SUGCT: variants seen among roughly 807,000 people sequenced by gnomAD.
SUGCT encodes succinyl-CoA:glutarate-CoA transferase, also known as succinyl-CoA:glutarate CoA-transferase.
Under a neutral mutation model 55.0 loss-of-function variants are expected in SUGCT, and 41 were observed. That is an observed-to-expected ratio of 0.74 (90% CI 0.58 to 0.97). The LOEUF is 0.97. Ranked by LOEUF, SUGCT falls within the 50% of genes least tolerant of loss-of-function variation. The pLI is 0.00. For synonymous variants in SUGCT, 187 were observed against 200.4 expected, an observed-to-expected ratio of 0.93 and a Z score of 0.56; for missense variants, 568 against 547.8, an observed-to-expected ratio of 1.04 and a Z score of -0.37.
At chr7:40,628,395 A>G (rs1364430315) in intron 12 of SUGCT, among the ~76,000 whole-genome samples, 1 of 152,226 alleles carries the variant, frequency 6.6e-6, no homozygotes, top group Non-Finnish European at 1.5e-5. Flanking sequence ...CAAAACATCT[A>G]CACTGTTCTC....
chr7:40,840,139 C>T (rs1793200549), intron 13 of SUGCT, among the ~76,000 whole-genome samples: 1 of 152,084 alleles, frequency 6.6e-6, no homozygotes, highest in African/African-American at 2.4e-5. Context: ...CTGAGCCTGG[C>T]CTTACACATA....
At chr7:40,727,583 C>T (rs2128692187) in intron 12 of SUGCT, among the ~76,000 whole-genome samples, 1 of 152,308 alleles carries the variant, frequency 6.6e-6, no homozygotes, top group East Asian at 1.9e-4. Context: ...ATAACTATAT[C>T]TCACTATACA....
Position 40,155,024 on chromosome 7 carries a change from C to T in SUGCT, c.100+19904C>T, listed in dbSNP as rs150382873. Among the ~76,000 whole-genome samples, 9 of 152,322 alleles carry T rather than the reference C, an allele frequency of 5.9e-5. No homozygotes were observed. The South Asian group carries it at 8.3e-4, about 14-fold the overall frequency. ...AGCAGAGGCAGGGCGTGGTGGCTCA[C>T]GCCTGTAATCCCATAACTTTGGGAG... is the stretch of plus-strand genomic sequence containing the variant. On this transcript the variant is annotated intron_variant, in intron 1 of 13. Coordinates refer to ENST00000335693, the MANE Select transcript of SUGCT (RefSeq NM_001193313.2).
chr7:40,874,491 C>T, the SUGCT span, among the ~76,000 whole-genome samples: 2 of 152,062 alleles, frequency 1.3e-5, no homozygotes, highest in African/African-American at 2.4e-5. Context: ...TTCTTCTTGC[C>T]GATACAGTGC....
intron 4 of SUGCT, 75 bp from the exon 5 acceptor site, chr7:40,189,469 C>G (rs893621088): frequency 9.9e-6 from 3 of 302,828 alleles, no homozygotes; most frequent in Non-Finnish European, 1.7e-5. Context: ...GGGTATATTG[C>G]ATAGTGGTGG....
intron 8 of SUGCT, among the ~76,000 whole-genome samples, chr7:40,290,882 G>A (rs189235470): frequency 5.5e-4 from 83 of 152,214 alleles, no homozygotes; most frequent in African/African-American, 1.6e-3. Flanking sequence ...AGACATTTAC[G>A]CAGCCAAAAA....
intron 1 of SUGCT, among the ~76,000 whole-genome samples, chr7:40,162,606 A>G (rs1784232151): frequency 6.6e-6 from 1 of 152,164 alleles, no homozygotes; most frequent in Non-Finnish European, 1.5e-5. Flanking sequence ...CCTCCTGAGT[A>G]GCTGGGACCA....
the SUGCT span, among the ~76,000 whole-genome samples, chr7:40,927,840 G>A: frequency 6.6e-6 from 1 of 152,102 alleles, no homozygotes; most frequent in Non-Finnish European, 1.5e-5. Flanking sequence ...TCGTATGTTT[G>A]TAGTTAATTT....
the SUGCT span, among the ~76,000 whole-genome samples, chr7:40,937,902 G>A: frequency 1.4e-4 from 22 of 152,278 alleles, no homozygotes; most frequent in African/African-American, 5.3e-4. Flanking sequence ...ATGATTTTGG[G>A]ATGAAACTAT....
chr7:40,974,647 A>G, the SUGCT span, among the ~76,000 whole-genome samples: 3 of 152,178 alleles, frequency 2.0e-5, no homozygotes, highest in Admixed American at 6.5e-5. Flanking sequence ...AACACTCCAG[A>G]AACAGCCACC....
intron 13 of SUGCT, among the ~76,000 whole-genome samples, chr7:40,826,231 G>A (rs1792302202): frequency 6.6e-6 from 1 of 152,184 alleles, no homozygotes. Flanking sequence ...TATACATGAG[G>A]TGAAGTAATT....
intron 12 of SUGCT, among the ~76,000 whole-genome samples, chr7:40,626,553 A>G (rs1799538565): frequency 6.6e-6 from 1 of 152,140 alleles, no homozygotes; most frequent in Non-Finnish European, 1.5e-5. Context: ...AGCCCGGCCC[A>G]GAGAGACTTT....
chr7:40,722,961 C>T (rs1786423511), intron 12 of SUGCT, among the ~76,000 whole-genome samples: 1 of 152,094 alleles, frequency 6.6e-6, no homozygotes, highest in South Asian at 2.1e-4. Context: ...ACCAATAGTG[C>T]TGTGTAAGTA....
In SUGCT at chr7:40,487,250, GTTTTTTTTTTTTT is replaced by G. The variant is rs1167865633; in HGVS notation, c.987-9018_987-9006del. Among the ~76,000 whole-genome samples, 310 of 42,910 alleles carry G rather than the reference GTTTTTTTTTTTTT, an allele frequency of 7.2e-3. 2 individuals carry two copies. The highest frequency in any genetic ancestry group is 0.027 in the African/African-American group (293 of 10,760). The allele number at this position is 42,910 out of a possible 152,430, so 28.2% of individuals were successfully genotyped here. Reference sequence around the variant, plus strand: ...CAGGCATGTGCCACCACACCCAGCTGTTTTTTTTTTTTTTTTTTTTTTTTTTTTGTATTTTTAG... The same window carrying G: ...CAGGCATGTGCCACCACACCCAGCTGTTTTTTTTTTTTTTTGTATTTTTAG... On this transcript the variant is annotated intron_variant, in intron 11 of 13. Transcript: ENST00000335693.
At chr7:40,818,790 G>C (rs773739469) in intron 13 of SUGCT, among the ~76,000 whole-genome samples, 1 of 152,048 alleles carries the variant, frequency 6.6e-6, no homozygotes, top group Non-Finnish European at 1.5e-5. Flanking sequence ...TTAAGTTCTA[G>C]GGTACATGTG....
chr7:40,792,037 G>A (rs1367553689), intron 13 of SUGCT, among the ~76,000 whole-genome samples: 1 of 152,120 alleles, frequency 6.6e-6, no homozygotes, highest in Admixed American at 6.6e-5. Flanking sequence ...TTTGTCAAGG[G>A]TTGGCCTAAG....
At chr7:40,360,053 G>A (rs951793115) in intron 9 of SUGCT, among the ~76,000 whole-genome samples, 6 of 152,116 alleles carry the variant, frequency 3.9e-5, no homozygotes, top group South Asian at 4.1e-4. Context: ...TCACTCTGTC[G>A]CCCAGGCTGG....
At chr7:40,934,037 G>C in the SUGCT span, among the ~76,000 whole-genome samples, 1 of 152,160 alleles carries the variant, frequency 6.6e-6, no homozygotes, top group African/African-American at 2.4e-5. Context: ...AGAATTTTCT[G>C]CTTTTCTGCT....
chr7:40,147,941 G>A (rs1284251959), intron 1 of SUGCT, among the ~76,000 whole-genome samples: 1 of 152,256 alleles, frequency 6.6e-6, no homozygotes, highest in Non-Finnish European at 1.5e-5. Flanking sequence ...TGGAGCAATG[G>A]TGAGCACACA....
Sources: allele counts gnomAD v4.1 joint callset (sites outside exome capture counted in the v4.1 genomes callset), GRCh38; gene constraint gnomAD v4.1.1; transcripts MANE v1.5; gene names NCBI Gene and HGNC (gene_info 2026-07-23, HGNC 2026-07-21).